Variants in ALK observed in about 807,000 individuals in gnomAD.
ALK encodes ALK receptor tyrosine kinase, also known as ALK tyrosine kinase receptor.
A neutral mutation model predicts 163.1 loss-of-function variants in ALK; 74 were observed. The ratio of observed to expected loss-of-function variants is 0.45; its 90% CI spans 0.38 to 0.55. The LOEUF (loss-of-function observed/expected upper bound fraction) is 0.55, where lower values mean the gene tolerates loss of function less well. ALK is among the 20% of genes least tolerant of loss of function. The pLI, the probability that ALK is intolerant of heterozygous loss-of-function variation, is 0.00. For missense variants in ALK, 2,063 were observed against 2,105.3 expected, an observed-to-expected ratio of 0.98 and a Z score of 0.39; for synonymous variants, 960 against 843.2, an observed-to-expected ratio of 1.14 and a Z score of -2.40.
intron 3 of ALK, among the ~76,000 whole-genome samples, chr2:29,601,292 C>T (rs764005271): frequency 4.6e-5 from 7 of 152,164 alleles, no homozygotes; most frequent in African/African-American, 7.2e-5. Flanking sequence ...ACATTGGGCA[C>T]GAGTTCTAGC....
chr2:29,723,294 GC>G (rs1679473351), intron 1 of ALK, among the ~76,000 whole-genome samples: 2 of 152,238 alleles, frequency 1.3e-5, no homozygotes, highest in South Asian at 4.1e-4. Flanking sequence ...AGTTCTCTCA[GC>G]CGAGGAAGCT....
At chr2:29,315,460 CACGCT>C (rs1332482225) in intron 8 of ALK, among the ~76,000 whole-genome samples, 2 of 152,144 alleles carry the variant, frequency 1.3e-5, no homozygotes, top group Non-Finnish European at 2.9e-5. Context: ...CAAGTGACAT[CACGCT>C]ATTTGGGGCC....
chr2:29,353,484 G>A (rs1406244999), intron 5 of ALK, among the ~76,000 whole-genome samples: 1 of 152,158 alleles, frequency 6.6e-6, no homozygotes, highest in Non-Finnish European at 1.5e-5. Flanking sequence ...TGAGAACACA[G>A]AGCTTTTATT....
At position 29,689,616 on chromosome 2, in the gene ALK, C is replaced by T. The variant is rs377004938; in HGVS notation, c.952+5234G>A. On this transcript the variant is annotated intron_variant, in intron 3 of 28. Coordinates refer to ENST00000389048, the MANE Select transcript of ALK (RefSeq NM_004304.5). Reference sequence around the variant, plus strand: ...CATGGGATCCACATGCCAACCCAGACGCAGGGGGAGAAAAACCAAGGCATA... The same window carrying T: ...CATGGGATCCACATGCCAACCCAGATGCAGGGGGAGAAAAACCAAGGCATA... Among the ~76,000 whole-genome samples, 14 of 152,274 alleles carry T rather than the reference C, an allele frequency of 9.2e-5. No homozygotes were observed. The East Asian group carries it at 1.5e-3, about 17-fold the overall frequency.
intron 5 of ALK, among the ~76,000 whole-genome samples, chr2:29,342,835 G>C (rs1169360216): frequency 6.7e-6 from 1 of 150,374 alleles, no homozygotes; most frequent in Non-Finnish European, 1.5e-5. Flanking sequence ...TGGCAGTGAC[G>C]AAGCCTCTGA....
In ALK at chr2:29,670,049, C is replaced by T. The variant is rs186708297; in HGVS notation, c.952+24801G>A. ...TCATATTAGAGTTATAAGTGAATTG[C>T]ACGCCATAATTACAATACAGTATTA... On this transcript the variant is annotated intron_variant, in intron 3 of 28. Coordinates refer to ENST00000389048, the MANE Select transcript of ALK (RefSeq NM_004304.5). Among the ~76,000 whole-genome samples the T allele has an allele frequency of 2.5e-3, 384 of 152,180 alleles. 1 individual carries two copies. Among genetic ancestry groups the T allele is most frequent in the Middle Eastern group, 0.017 (5 of 294 alleles).
chr2:29,898,710 A>G (rs760319574), intron 1 of ALK, among the ~76,000 whole-genome samples: 2 of 152,218 alleles, frequency 1.3e-5, no homozygotes, highest in African/African-American at 2.4e-5. Context: ...AATGTCCCCA[A>G]CATGGTAAGC....
chr2:29,575,177 T>G (rs56342378), intron 3 of ALK, among the ~76,000 whole-genome samples: 3,231 of 152,206 alleles, frequency 0.021, 64 homozygotes, highest in Non-Finnish European at 0.032. Context: ...TTGTGGTTGG[T>G]TATAAGGGTG....
intron 1 of ALK, among the ~76,000 whole-genome samples, chr2:29,752,075 C>T (rs1405120063): frequency 6.6e-6 from 1 of 152,192 alleles, no homozygotes; most frequent in Non-Finnish European, 1.5e-5. Flanking sequence ...CTGTACTCTA[C>T]AAAGACGTTC....
chr2:29,295,983 C>A (rs1558657776), intron 9 of ALK, among the ~76,000 whole-genome samples: 1 of 152,200 alleles, frequency 6.6e-6, no homozygotes, highest in Non-Finnish European at 1.5e-5. Flanking sequence ...GGCAGGGTCA[C>A]ATGAGTGCTG....
At chr2:29,437,578 T>C (rs1436865642) in intron 4 of ALK, among the ~76,000 whole-genome samples, 1 of 152,240 alleles carries the variant, frequency 6.6e-6, no homozygotes, top group Non-Finnish European at 1.5e-5. Context: ...CTTTACCAAA[T>C]ACAGCTTTAT....
At chr2:29,763,949 C>T (rs961969463) in intron 1 of ALK, among the ~76,000 whole-genome samples, 3 of 152,254 alleles carry the variant, frequency 2.0e-5, no homozygotes, top group South Asian at 4.1e-4. Context: ...AACTCCCTCT[C>T]GTAACACCCT....
chr2:29,896,827 CTTGGG>C lies in ALK; in HGVS notation c.667+23161_667+23165del, dbSNP rs1222208147. Among the ~76,000 whole-genome samples, 4 of 152,174 alleles carry C rather than the reference CTTGGG, an allele frequency of 2.6e-5. No individual in the cohort carries two copies. In the South Asian group the frequency reaches 8.3e-4, roughly 31 times the overall value. On this transcript the variant is annotated intron_variant, in intron 1 of 28. Coordinates refer to ENST00000389048, the MANE Select transcript of ALK (RefSeq NM_004304.5). ...AAGTTCATTGTAAGAAGATGCTCAG[CTTGGG>C]TTTTTCATTACCTCACACAGGCAGG... is the stretch of plus-strand genomic sequence containing the variant.
intron 3 of ALK, among the ~76,000 whole-genome samples, chr2:29,618,245 G>A (rs1443158980): frequency 1.3e-5 from 2 of 152,168 alleles, no homozygotes; most frequent in Middle Eastern, 3.2e-3. Context: ...TGCAATTATA[G>A]TTGTGATTTA....
intron 4 of ALK, among the ~76,000 whole-genome samples, chr2:29,523,185 C>T (rs764029987): frequency 5.9e-5 from 9 of 152,250 alleles, no homozygotes; most frequent in East Asian, 1.9e-4. Flanking sequence ...TGTCCTCAGG[C>T]GGTCCTTTGC....
In ALK at chr2:29,752,382, C is replaced by T. The variant is rs181936090; in HGVS notation, c.668-34685G>A. ...TTTTTTTTTTTGAGACGGAGTTTCGCTCTGTCGCCCAGGCTGGAGTGCAGT... is the reference window on the plus strand; with the variant it reads ...TTTTTTTTTTTGAGACGGAGTTTCGTTCTGTCGCCCAGGCTGGAGTGCAGT... On this transcript the variant is annotated intron_variant, in intron 1 of 28. Coordinates refer to ENST00000389048, the MANE Select transcript of ALK (RefSeq NM_004304.5). 2.9e-5 allele frequency among the ~76,000 whole-genome samples: 4 copies of T among 140,110 alleles called. No homozygotes were observed. The East Asian group carries it at 6.1e-4, about 21-fold the overall frequency. The allele number at this position is 140,110 out of a possible 152,430, so 91.9% of individuals were successfully genotyped here. A position where few individuals can be genotyped will look rare whatever the true frequency, so the allele number is the denominator to read the frequency against.
chr2:29,662,047 C>G (rs542676610), intron 3 of ALK, among the ~76,000 whole-genome samples: 2 of 152,112 alleles, frequency 1.3e-5, no homozygotes, highest in Admixed American at 1.3e-4. Context: ...GTAGCTGGTA[C>G]TACAGGCGTA....
chr2:29,417,112 C>T (rs1399314253), intron 4 of ALK, among the ~76,000 whole-genome samples: 4 of 151,284 alleles, frequency 2.6e-5, no homozygotes, highest in South Asian at 4.2e-4. Context: ...CTCAGCCTCC[C>T]GGGTAGCTGG....
intron 1 of ALK, among the ~76,000 whole-genome samples, chr2:29,831,516 G>T (rs1665419619): frequency 6.6e-6 from 1 of 152,036 alleles, no homozygotes; most frequent in Admixed American, 6.6e-5. Flanking sequence ...TGTTTTTACT[G>T]TGTGTGCTGT....
Sources: gnomAD v4.1 joint callset for allele counts (sites outside exome capture counted in the v4.1 genomes callset) on GRCh38, gnomAD v4.1.1 for gene constraint, MANE v1.5 for transcripts, NCBI Gene and HGNC (gene_info 2026-07-23, HGNC 2026-07-21) for gene names.